Variants in RAP1GAP2 observed in about 807,000 individuals in gnomAD.
RAP1GAP2 encodes rap1 GTPase-activating protein 2.
Under a neutral mutation model 95.0 loss-of-function variants are expected in RAP1GAP2, and 27 were observed. The observed-to-expected ratio is 0.28, with a 90% CI of 0.21 to 0.39. The LOEUF is 0.39. Among genes scored for constraint, RAP1GAP2 ranks in the 10% least tolerant of loss-of-function variants. The pLI, the probability that RAP1GAP2 is intolerant of heterozygous loss-of-function variation, is 1.00. For missense variants in RAP1GAP2, 771 were observed against 970.0 expected (o/e 0.79, Z 2.72); for synonymous variants, 373 against 380.9 (o/e 0.98, Z 0.24).
At chr17:2,790,410 C>T (rs1024533314) in intron 1 of RAP1GAP2, among the ~76,000 whole-genome samples, 2 of 152,156 alleles carry the variant, frequency 1.3e-5, no homozygotes, top group African/African-American at 2.4e-5. Flanking sequence ...TGAGCCACCG[C>T]ACCCGACCTC....
At chr17:2,895,870 G>T (rs779132311) in intron 2 of RAP1GAP2, among the ~76,000 whole-genome samples, 1 of 152,110 alleles carries the variant, frequency 6.6e-6, no homozygotes, top group East Asian at 1.9e-4. Context: ...GAGCCACCGC[G>T]CCCGGCCTGC....
chr17:2,913,470 G>C (rs2042461059), intron 3 of RAP1GAP2, among the ~76,000 whole-genome samples: 1 of 151,980 alleles, frequency 6.6e-6, no homozygotes, highest in African/African-American at 2.4e-5. Flanking sequence ...TGTATTTTTA[G>C]TAGAGATGGG....
intron 2 of RAP1GAP2, among the ~76,000 whole-genome samples, chr17:2,831,170 C>T (rs986663986): frequency 4.4e-5 from 6 of 137,042 alleles, no homozygotes; most frequent in African/African-American, 1.1e-4. Flanking sequence ...CTCTGCCTCC[C>T]GGGTTCAAGG....
intron 14 of RAP1GAP2, among the ~76,000 whole-genome samples, chr17:3,001,915 C>T (rs1431936141): frequency 2.6e-5 from 4 of 151,826 alleles, no homozygotes; most frequent in Non-Finnish European, 4.4e-5. Context: ...TCCAAAAAAG[C>T]GCCACCCCAC....
rs768371496 is a variant in RAP1GAP2 at position 2,874,214 on chromosome 17, G to T, written c.81-31070G>T. Among the ~76,000 whole-genome samples the T allele has an allele frequency of 3.0e-4, 45 of 152,318 alleles. 1 individual carries two copies. The highest frequency in any genetic ancestry group is 2.8e-4 in the Non-Finnish European group (19 of 68,034). On this transcript the variant is annotated intron_variant, in intron 2 of 24. Transcript: ENST00000254695. The stretch of plus-strand genomic sequence containing the variant: ...AATAAGAGGCATAAGATTGAGCTCT[G>T]TGCCTGGGGAACAATGGGTACACCC...
intron 14 of RAP1GAP2, among the ~76,000 whole-genome samples, chr17:3,001,576 C>T (rs1416643072): frequency 2.9e-5 from 4 of 139,306 alleles, no homozygotes; most frequent in African/African-American, 1.2e-4. Flanking sequence ...TGAAGTGAGG[C>T]TCGTGGAGGT....
chr17:2,882,911 A>G (rs2073361023), intron 2 of RAP1GAP2, among the ~76,000 whole-genome samples: 1 of 152,240 alleles, frequency 6.6e-6, no homozygotes, highest in Non-Finnish European at 1.5e-5. Flanking sequence ...TCGGTGCTTT[A>G]CAGATACTCG....
intron 2 of RAP1GAP2, among the ~76,000 whole-genome samples, chr17:2,801,597 A>ATATGTGTG (rs1272064769): frequency 8.2e-6 from 1 of 121,878 alleles, no homozygotes; most frequent in African/African-American, 3.3e-5. Flanking sequence ...ACTCCAGGGT[A>ATATGTGTG]TGTGTGTGTG....
intron 18 of RAP1GAP2, 47 bp downstream of exon 18, chr17:3,018,245 C>T (rs781436088): frequency 6.0e-5 from 90 of 1,512,286 alleles, no homozygotes; most frequent in African/African-American, 1.4e-4. Context: ...CCAGGGAGGC[C>T]CCCCCCAGAC....
At chr17:2,991,601 G>A (rs751446530) in intron 12 of RAP1GAP2, among the ~76,000 whole-genome samples, 2 of 152,258 alleles carry the variant, frequency 1.3e-5, no homozygotes, top group South Asian at 4.1e-4. Context: ...CCCTGAAGGC[G>A]TTCACGTTCG....
In RAP1GAP2 at chr17:2,957,743, T is replaced by A. The variant is rs1567822281; in HGVS notation, c.166-16T>A. ...GCTGATCCCTGTCTTTCTGTCCCCC[T>A]GCTTTTGTCTTTCAGTCGTCGGAGT... On this transcript the variant is annotated splice_polypyrimidine_tract_variant and intron_variant, in intron 3 of 24. Coordinates refer to ENST00000254695, the MANE Select transcript of RAP1GAP2 (RefSeq NM_015085.5). 1 of 1,605,514 alleles carries A rather than the reference T, an allele frequency of 6.2e-7. No individual in the cohort carries two copies. The highest frequency in any genetic ancestry group is 8.5e-7 in the Non-Finnish European group (1 of 1,175,792).
At chr17:3,007,957 G>T in intron 16 of RAP1GAP2, 54 bp from the exon 17 acceptor site, 1 of 1,588,604 alleles carries the variant, frequency 6.3e-7, no homozygotes, top group African/African-American at 1.3e-5. Flanking sequence ...CAAGGAGCAG[G>T]CACATCTCTG....
chr17:2,958,494 C>T (rs988597776), intron 4 of RAP1GAP2, among the ~76,000 whole-genome samples: 2 of 151,998 alleles, frequency 1.3e-5, no homozygotes, highest in Middle Eastern at 3.2e-3. Flanking sequence ...GCTGATAATA[C>T]ACCTGTAGCT....
intron 2 of RAP1GAP2, among the ~76,000 whole-genome samples, chr17:2,860,336 T>C (rs1218679086): frequency 2.0e-5 from 3 of 152,128 alleles, no homozygotes; most frequent in African/African-American, 7.2e-5. Flanking sequence ...AACACCTCCC[T>C]TTAGCCAGCT....
intron 2 of RAP1GAP2, among the ~76,000 whole-genome samples, chr17:2,813,420 T>C (rs1290515718): frequency 6.6e-6 from 1 of 152,174 alleles, no homozygotes; most frequent in Admixed American, 6.5e-5. Context: ...CAGCCAAACC[T>C]GGGAAGCACT....
rs201533015 is a variant in RAP1GAP2, at chr17:3,030,908, G to T, written c.2108-14G>T. On this transcript the variant is annotated splice_polypyrimidine_tract_variant and intron_variant, in intron 22 of 24. Transcript: ENST00000254695. ...ACAGCTCCACCCTCCTTTCATGGCCGTTCTTTTTCTTAGATGCCAAAAGCA... is the reference window on the plus strand; with the variant it reads ...ACAGCTCCACCCTCCTTTCATGGCCTTTCTTTTTCTTAGATGCCAAAAGCA... The T allele has an allele frequency of 3.7e-6, 6 of 1,601,332 alleles. No homozygotes were observed. Among genetic ancestry groups the T allele is most frequent in the Non-Finnish European group, 5.1e-6 (6 of 1,173,416 alleles).
intron 2 of RAP1GAP2, among the ~76,000 whole-genome samples, chr17:2,881,355 T>C (rs2073283075): frequency 6.6e-6 from 1 of 152,194 alleles, no homozygotes. Context: ...ATTTTGGATT[T>C]CAGCTTTTTG....
chr17:3,035,473 T>G lies in RAP1GAP2; in HGVS notation c.*2112T>G, dbSNP rs1175109075. On this transcript the variant is annotated 3_prime_UTR_variant, in exon 25 of 25. Transcript: ENST00000254695. The surrounding 1 kb of genome is among the most constrained non-coding windows in gnomAD (Gnocchi z 4.3). ...ACCTGCCTGTCCCCACTGCGCTGGC[T>G]GACCCTTGCTGCCTGCTGCCTCTTG... 1.3e-5 allele frequency: 2 copies of G among 152,538 alleles called. No individual in the cohort carries two copies. The highest frequency in any genetic ancestry group is 6.5e-5 in the Admixed American group (1 of 15,284). 9.4% of individuals were successfully genotyped at this position (152,538 alleles called of 1,614,324 possible).
At chr17:2,901,718 C>T (rs994664956) in intron 2 of RAP1GAP2, among the ~76,000 whole-genome samples, 6 of 151,876 alleles carry the variant, frequency 4.0e-5, no homozygotes, top group Admixed American at 1.3e-4. Flanking sequence ...CATCAAGCAC[C>T]GCGTCACTTA....
Sources: gnomAD v4.1 joint callset for allele counts (sites outside exome capture counted in the v4.1 genomes callset) on GRCh38, gnomAD v4.1.1 for gene constraint, Gnocchi (gnomAD v3.1) non-coding constraint, MANE v1.5 for transcripts, NCBI Gene and HGNC (gene_info 2026-07-23, HGNC 2026-07-21) for gene names.